ARHGAP32: variants seen among roughly 807,000 people sequenced by gnomAD.
The protein encoded by ARHGAP32 is rho GTPase-activating protein 32.
A neutral mutation model predicts 186.5 loss-of-function variants in ARHGAP32; 51 were observed. That is an observed-to-expected ratio of 0.27 (90% CI 0.22 to 0.35). The LOEUF (loss-of-function observed/expected upper bound fraction) is 0.35. Ranked by LOEUF, ARHGAP32 falls within the 10% of genes least tolerant of loss-of-function variation. The pLI is 1.00. For missense variants in ARHGAP32, 2,186 were observed against 2,623.5 expected (o/e 0.83, Z 3.64); for synonymous variants, 950 against 964.3 (o/e 0.99, Z 0.27).
chr11:129,228,952 T>G (rs1046494970), intron 1 of ARHGAP32, among the ~76,000 whole-genome samples: 1 of 152,186 alleles, frequency 6.6e-6, no homozygotes, highest in Admixed American at 6.5e-5. Flanking sequence ...CAACCACCTA[T>G]GAAGGTACAT....
At position 128,972,780 on chromosome 11, in the gene ARHGAP32, T is replaced by C; in HGVS notation, c.3726A>G (p.Leu1242=). ...GASVDKLHHP[L]EFADKSPTPP... ...GTGTGGGAGATTTGTCTGCAAATTC[T>C]AAAGGGTGATGGAGTTTATCCACAC... Residue 1242 remains leucine (L), a synonymous_variant, in exon 22 of 23, where the codon TTA becomes TTG. Coordinates refer to ENST00000682385, the MANE Select transcript of ARHGAP32 (RefSeq NM_001378024.1). 6.2e-7 allele frequency: 1 copy of C among 1,614,034 alleles called. No individual in the cohort carries two copies. Among genetic ancestry groups the C allele is most frequent in the Non-Finnish European group, 8.5e-7 (1 of 1,179,990 alleles).
intron 11 of ARHGAP32, among the ~76,000 whole-genome samples, chr11:129,012,386 T>C (rs1246465967): frequency 2.0e-5 from 3 of 152,194 alleles, no homozygotes; most frequent in African/African-American, 4.8e-5. Flanking sequence ...ACTCACACAC[T>C]TTCCTGAAGC....
chr11:129,228,444 A>C (rs1177681471), intron 1 of ARHGAP32, among the ~76,000 whole-genome samples: 1 of 152,178 alleles, frequency 6.6e-6, no homozygotes, highest in Non-Finnish European at 1.5e-5. Context: ...AGGTAACAAA[A>C]TTGATTCTTC....
chr11:129,072,851 C>A (rs908239746), intron 6 of ARHGAP32, among the ~76,000 whole-genome samples: 5 of 152,202 alleles, frequency 3.3e-5, no homozygotes, highest in African/African-American at 1.2e-4. Context: ...CACACCCAAA[C>A]ACTATGTTTT....
intron 1 of ARHGAP32, among the ~76,000 whole-genome samples, chr11:129,255,030 A>C (rs1945235674): frequency 1.3e-5 from 2 of 152,116 alleles, no homozygotes; most frequent in South Asian, 4.1e-4. Flanking sequence ...TAGAAGACAT[A>C]CAAAATAAAT....
intron 6 of ARHGAP32, among the ~76,000 whole-genome samples, chr11:129,083,279 A>C (rs1484848582): frequency 6.6e-6 from 1 of 152,180 alleles, no homozygotes; most frequent in African/African-American, 2.4e-5. Flanking sequence ...ACTTGCCCAC[A>C]CATGTTTATA....
At chr11:129,221,863 C>T (rs1565472547) in intron 1 of ARHGAP32, among the ~76,000 whole-genome samples, 1 of 152,040 alleles carries the variant, frequency 6.6e-6, no homozygotes, top group Admixed American at 6.6e-5. Context: ...CTCCAACCCT[C>T]TTCTTTCTTT....
At chr11:129,040,228 T>A (rs1939536887) in intron 11 of ARHGAP32, among the ~76,000 whole-genome samples, 1 of 152,094 alleles carries the variant, frequency 6.6e-6, no homozygotes, top group Non-Finnish European at 1.5e-5. Flanking sequence ...TTTCTTCTCC[T>A]TTTATTGGGA....
upstream of ARHGAP32, among the ~76,000 whole-genome samples, chr11:129,195,688 TG>T (rs1374002231): frequency 6.6e-6 from 1 of 152,138 alleles, no homozygotes; most frequent in Non-Finnish European, 1.5e-5. Context: ...CGCTCCAGCC[TG>T]GAAGACAAGA....
rs933599115 is a variant in ARHGAP32, at chr11:129,180,896, C to A, written c.116+11187G>T. The stretch of plus-strand genomic sequence containing the variant: ...CCTTATCATCTTGCTGTTTCCCTCA[C>A]TAAGAAATTATGTAAATATCTGTCA... On this transcript the variant is annotated intron_variant, in intron 1 of 22. Transcript: ENST00000682385. 2.6e-5 allele frequency among the ~76,000 whole-genome samples: 4 copies of A among 152,192 alleles called. No individual in the cohort carries two copies. The South Asian group carries it at 8.3e-4, about 32-fold the overall frequency.
chr11:129,047,818 G>A (rs752683479), intron 10 of ARHGAP32, among the ~76,000 whole-genome samples: 9 of 152,186 alleles, frequency 5.9e-5, no homozygotes, highest in Non-Finnish European at 1.2e-4. Context: ...GTAAGTCAAT[G>A]AGTCAATTAG....
chr11:129,026,496 T>C (rs543434571), intron 11 of ARHGAP32, among the ~76,000 whole-genome samples: 51 of 152,170 alleles, frequency 3.4e-4, no homozygotes, highest in Non-Finnish European at 4.6e-4. Context: ...CATTCTATCA[T>C]AAAAACTACT....
At chr11:129,235,574 A>G (rs1056265087) in intron 1 of ARHGAP32, among the ~76,000 whole-genome samples, 1 of 152,158 alleles carries the variant, frequency 6.6e-6, no homozygotes. Context: ...CTTGGTCTTC[A>G]TATAAGAGAA....
chr11:129,219,792 A>G (rs1944689918), intron 1 of ARHGAP32, among the ~76,000 whole-genome samples: 1 of 152,110 alleles, frequency 6.6e-6, no homozygotes, highest in Admixed American at 6.6e-5. Context: ...AAAAGTAGAG[A>G]CATGCTCCTA....
intron 11 of ARHGAP32, among the ~76,000 whole-genome samples, chr11:128,998,736 A>G (rs1946267502): frequency 6.6e-6 from 1 of 152,210 alleles, no homozygotes; most frequent in African/African-American, 2.4e-5. Context: ...ATAAATTGTG[A>G]AGATTTCATG....
upstream of ARHGAP32, among the ~76,000 whole-genome samples, chr11:129,195,677 G>A (rs1178433775): frequency 6.6e-6 from 1 of 152,110 alleles, no homozygotes; most frequent in Non-Finnish European, 1.5e-5. Context: ...TCACGCCATT[G>A]CGCTCCAGCC....
intron 1 of ARHGAP32, among the ~76,000 whole-genome samples, chr11:129,222,959 C>G (rs1289326215): frequency 6.6e-6 from 1 of 152,090 alleles, no homozygotes; most frequent in Non-Finnish European, 1.5e-5. Flanking sequence ...AGAAATAATG[C>G]AAGTGGTATA....
chr11:129,188,661 A>T (rs1036599957), intron 1 of ARHGAP32, among the ~76,000 whole-genome samples: 3 of 152,094 alleles, frequency 2.0e-5, no homozygotes, highest in Admixed American at 1.3e-4. Flanking sequence ...AAGTATCATT[A>T]GTTCTATAAT....
intron 1 of ARHGAP32, among the ~76,000 whole-genome samples, chr11:129,244,994 G>T (rs1194667131): frequency 6.6e-6 from 1 of 151,926 alleles, no homozygotes; most frequent in Non-Finnish European, 1.5e-5. Context: ...CTTTTACACT[G>T]TTGCTGGGAC....
Sources: gnomAD v4.1 joint callset for allele counts (sites outside exome capture counted in the v4.1 genomes callset) on GRCh38, gnomAD v4.1.1 for gene constraint, MANE v1.5 for transcripts, NCBI Gene and HGNC (gene_info 2026-07-23, HGNC 2026-07-21) for gene names.